The following DNAH10 variants were observed in gnomAD, a reference collection of about 807,000 sequenced individuals.
DNAH10 encodes the protein axonemal beta dynein heavy chain 10.
In DNAH10, 348 loss-of-function variants were observed where a neutral mutation model predicts 506.6. That is an observed-to-expected ratio of 0.69 (90% CI 0.63 to 0.75). The LOEUF (loss-of-function observed/expected upper bound fraction) is 0.75. DNAH10 is among the 30% of genes least tolerant of loss of function. The pLI, the probability that DNAH10 is intolerant of heterozygous loss-of-function variation, is 0.00. For missense variants in DNAH10, 5,179 were observed against 5,787.1 expected (o/e 0.89, Z 3.41); for synonymous variants, 2,059 against 2,198.6 (o/e 0.94, Z 1.78).
rs747577594 is a variant in DNAH10, at chr12:123,873,654, G to A, written c.7882G>A (p.Gly2628Ser). Residue 2628 changes from glycine (G) to serine (S), a missense_variant, in exon 46 of 79, where the codon GGC becomes AGC. Around this residue, in one of 3 missense-constraint regions of DNAH10, gnomAD observed 4,844 missense variants for 5,430.5 expected, o/e 0.89. Coordinates refer to ENST00000673944, the MANE Select transcript of DNAH10 (RefSeq NM_001372106.1). ...NVEKRTKDTY[G>S]PPMGKRLLVF... is the part of the protein sequence containing the mutation. ...GGAAAAGCGAACCAAAGATACTTAC[G>A]GCCCACCCATGGGAAAACGCCTGCT... 1.2e-6 allele frequency: 2 copies of A among 1,613,600 alleles called. No homozygotes were observed. The highest frequency in any genetic ancestry group is 1.7e-6 in the Non-Finnish European group (2 of 1,179,740).
At chr12:123,866,600 G>A (rs1458359369) in intron 41 of DNAH10, among the ~76,000 whole-genome samples, 1 of 152,092 alleles carries the variant, frequency 6.6e-6, no homozygotes, top group Admixed American at 6.5e-5. Context: ...GATTGGATTG[G>A]TTGGTCTAGA....
At chr12:123,833,683 T>C (rs1386456409) in intron 27 of DNAH10, among the ~76,000 whole-genome samples, 1 of 152,244 alleles carries the variant, frequency 6.6e-6, no homozygotes, top group Non-Finnish European at 1.5e-5. Flanking sequence ...AACATACTTA[T>C]TTTACATTCC....
intron 65 of DNAH10, among the ~76,000 whole-genome samples, chr12:123,922,331 G>A (rs367574197): frequency 6.6e-5 from 10 of 152,198 alleles, no homozygotes; most frequent in Non-Finnish European, 1.2e-4. Context: ...AGCCGAGATC[G>A]CGCCACTGCA....
chr12:123,876,874 C>G (rs144630653), intron 47 of DNAH10, among the ~76,000 whole-genome samples: 119 of 152,054 alleles, frequency 7.8e-4, no homozygotes, highest in African/African-American at 2.6e-3. Flanking sequence ...GTGGGAGGAT[C>G]ACTTGAGCCC....
At chr12:123,904,383 G>A (rs754461933) in intron 57 of DNAH10, among the ~76,000 whole-genome samples, 7 of 152,178 alleles carry the variant, frequency 4.6e-5, no homozygotes, top group Non-Finnish European at 1.0e-4. Context: ...TCTAGCTACC[G>A]GTGATAGGAT....
intron 3 of DNAH10, among the ~76,000 whole-genome samples, chr12:123,772,399 T>A (rs1175776705): frequency 6.6e-6 from 1 of 152,276 alleles, no homozygotes; most frequent in South Asian, 2.1e-4. Context: ...TCTGAAGACG[T>A]TTGGCATGTG....
Position 123,925,265 on chromosome 12 carries a change from C to T in DNAH10, c.11921+61C>T, listed in dbSNP as rs1954894150. ...TGGGGTGGAATCTCTAGCGTCCTCC[C>T]ACCTTGGACTCAAAGAAAGCAGAGG... On this transcript the variant is annotated intron_variant, in intron 68 of 78. Coordinates refer to ENST00000673944, the MANE Select transcript of DNAH10 (RefSeq NM_001372106.1). This position sits in a 1 kb window ranked among gnomAD's most constrained non-coding sequence, Gnocchi z 4.0. The T allele has an allele frequency of 3.1e-6, 5 of 1,605,224 alleles. No individual in the cohort carries two copies. In the Admixed American group the frequency reaches 8.4e-5, roughly 27 times the overall value.
At chr12:123,889,379 T>C (rs1489302330) in intron 52 of DNAH10, among the ~76,000 whole-genome samples, 1 of 152,244 alleles carries the variant, frequency 6.6e-6, no homozygotes, top group Non-Finnish European at 1.5e-5. Flanking sequence ...CAGTGGGTTG[T>C]CGGCTCCTTG....
chr12:123,867,329 T>C lies in DNAH10; in HGVS notation c.7168-138T>C. The C allele has an allele frequency of 1.2e-5, 11 of 908,996 alleles. No homozygotes were observed. In the South Asian group the frequency reaches 1.3e-4, roughly 10 times the overall value. The allele number at this position is 908,996 out of a possible 1,614,324, so 56.3% of individuals were successfully genotyped here. On this transcript the variant is annotated intron_variant, in intron 41 of 78. Coordinates refer to ENST00000673944, the MANE Select transcript of DNAH10 (RefSeq NM_001372106.1). ...TCTCTGCAAATATAGGGCACTATTATCAGGATTTCCTCACCTGCCAAATGT... is the reference window on the plus strand; with the variant it reads ...TCTCTGCAAATATAGGGCACTATTACCAGGATTTCCTCACCTGCCAAATGT...
At chr12:123,849,008 T>A in intron 34 of DNAH10, 126 bp downstream of exon 34, 2 of 1,212,036 alleles carry the variant, frequency 1.7e-6, no homozygotes, top group Non-Finnish European at 2.3e-6. Context: ...GTAGAAGATC[T>A]GTTGGTTTTT....
At chr12:123,808,092 G>A (rs1858967519) in intron 18 of DNAH10, among the ~76,000 whole-genome samples, 1 of 132,644 alleles carries the variant, frequency 7.5e-6, no homozygotes, top group Non-Finnish European at 1.6e-5. Context: ...GAGTGCAGTG[G>A]CATGTTCATG....
At position 123,861,033 on chromosome 12, in the gene DNAH10, G is replaced by T. The variant is rs1433258576; in HGVS notation, c.6771G>T (p.Leu2257Phe). The change falls in exon 39 of 79, where the codon TTG (leucine) becomes TTT (phenylalanine). Residue 2257 changes from leucine to phenylalanine, a missense_variant. Around this residue, in one of 3 missense-constraint regions of DNAH10, gnomAD observed 4,844 missense variants for 5,430.5 expected, o/e 0.89. Transcript: ENST00000673944. ...TTAGGCTTGGGCTGACGACAAAGTT[G>T]TACATCCTGAACCCCAAAGCCGTGA... ...AQTKLGLTTK[L>F]YILNPKAVSV... The T allele has an allele frequency of 6.2e-7, 1 of 1,613,820 alleles. No individual in the cohort carries two copies. Among genetic ancestry groups the T allele is most frequent in the African/African-American group, 1.3e-5 (1 of 74,886 alleles).
Position 123,902,491 on chromosome 12 carries a change from G to A in DNAH10, c.9641-448G>A, listed in dbSNP as rs972196553. On this transcript the variant is annotated intron_variant, in intron 56 of 78. Transcript: ENST00000673944. This position sits in a 1 kb window ranked among gnomAD's most constrained non-coding sequence, Gnocchi z 4.5. ...ATGAAGCAAGTCAGCAAGGAAGGGA[G>A]AGAGAGGACGACAGAGGGGCAGGCT... Among the ~76,000 whole-genome samples the A allele has an allele frequency of 6.6e-6, 1 of 152,230 alleles. No individual in the cohort carries two copies. Among genetic ancestry groups the A allele is most frequent in the South Asian group, 2.1e-4 (1 of 4,836 alleles).
At chr12:123,802,335 C>T (rs1391418559) in intron 16 of DNAH10, among the ~76,000 whole-genome samples, 10 of 152,084 alleles carry the variant, frequency 6.6e-5, no homozygotes, top group Admixed American at 3.9e-4. Context: ...GATGGAGTTT[C>T]GCTCTTGTTG....
intron 56 of DNAH10, among the ~76,000 whole-genome samples, chr12:123,899,340 G>C (rs1422040372): frequency 6.6e-6 from 1 of 152,130 alleles, no homozygotes; most frequent in Non-Finnish European, 1.5e-5. Context: ...CTCTGTGCCT[G>C]GCCTCTAAGC....
chr12:123,833,439 A>G (rs1960791850), intron 27 of DNAH10, 92 bp downstream of exon 27: 3 of 991,524 alleles, frequency 3.0e-6, no homozygotes, highest in Non-Finnish European at 4.5e-6. Flanking sequence ...CTTTTATATG[A>G]GGATATTTTG....
chr12:123,812,348 G>A (rs1399212464), intron 19 of DNAH10, among the ~76,000 whole-genome samples: 1 of 152,124 alleles, frequency 6.6e-6, no homozygotes, highest in Non-Finnish European at 1.5e-5. Flanking sequence ...CTACTCGGGA[G>A]GCTGAGGCAG....
Position 123,846,571 on chromosome 12 carries a change from T to G in DNAH10, c.5814+417T>G, listed in dbSNP as rs1057310091. Among the ~76,000 whole-genome samples the G allele has an allele frequency of 1.3e-5, 2 of 152,220 alleles. No individual in the cohort carries two copies. Among genetic ancestry groups the G allele is most frequent in the Non-Finnish European group, 2.9e-5 (2 of 68,038 alleles). On this transcript the variant is annotated intron_variant, in intron 32 of 78. Transcript: ENST00000673944. The surrounding 1 kb of genome is among the most constrained non-coding windows in gnomAD (Gnocchi z 4.5). ...GGACAGAGGGTAAACTTGTTTGTTG[T>G]ACAGGAAATGAAGATAACACTTCCA...
chr12:123,851,946 C>T (rs1400030954), intron 35 of DNAH10, among the ~76,000 whole-genome samples: 1 of 152,124 alleles, frequency 6.6e-6, no homozygotes, highest in Non-Finnish European at 1.5e-5. Context: ...GCTAATCTTG[C>T]TTATTTTTTG....
Sources: gnomAD v4.1 joint callset for allele counts (sites outside exome capture counted in the v4.1 genomes callset) on GRCh38, gnomAD v4.1.1 for gene constraint, gnomAD v4.1.1 regional missense constraint, Gnocchi (gnomAD v3.1) non-coding constraint, MANE v1.5 for transcripts, NCBI Gene and HGNC (gene_info 2026-07-23, HGNC 2026-07-21) for gene names.